Variants in SLC25A25 observed in about 807,000 individuals in gnomAD.
SLC25A25 encodes the protein solute carrier family 25 member 25, also known as mitochondrial adenyl nucleotide antiporter SLC25A25.
A neutral mutation model predicts 57.7 loss-of-function variants in SLC25A25; 32 were observed. The ratio of observed to expected loss-of-function variants is 0.55; its 90% confidence interval spans 0.42 to 0.74. SLC25A25 has a LOEUF of 0.74. SLC25A25 is among the 30% of genes least tolerant of loss of function. The pLI, the probability that SLC25A25 is intolerant of heterozygous loss-of-function variation, is 0.00. For synonymous variants in SLC25A25, 306 were observed against 291.2 expected, an observed-to-expected ratio of 1.05 and a Z score of -0.52; for missense variants, 556 against 701.3, an observed-to-expected ratio of 0.79 and a Z score of 2.34.
At chr9:128,098,294 A>C in intron 1 of SLC25A25, 1 of 344,590 alleles carries the variant, frequency 2.9e-6, no homozygotes, top group Non-Finnish European at 5.1e-6. Context: ...AGTTAACTGC[A>C]GGGAGGGAGC....
Position 128,107,762 on chromosome 9 carries a change from G to A in SLC25A25, c.*318G>A. On this transcript the variant is annotated 3_prime_UTR_variant, in exon 11 of 11. Coordinates refer to ENST00000373069, the MANE Select transcript of SLC25A25 (RefSeq NM_001330988.2). ...CCAATAGCGAGCTTGGAGCCTGGAG[G>A]CCGGCTTAGTTCTTCCATTTCACCC... 2.5e-6 allele frequency: 1 copy of A among 406,358 alleles called. No homozygotes were observed. Among genetic ancestry groups the A allele is most frequent in the Non-Finnish European group, 4.3e-6 (1 of 230,436 alleles). The allele number at this position is 406,358 out of a possible 1,614,324, so 25.2% of individuals were successfully genotyped here. A position where few individuals can be genotyped will look rare whatever the true frequency, so the allele number is the denominator to read the frequency against.
chr9:128,072,751 A>G (rs1832934700), intron 1 of SLC25A25, among the ~76,000 whole-genome samples: 1 of 152,248 alleles, frequency 6.6e-6, no homozygotes, highest in Non-Finnish European at 1.5e-5. Context: ...CGACAACAGT[A>G]GTGACTTTGG....
intron 1 of SLC25A25, among the ~76,000 whole-genome samples, chr9:128,087,445 T>C (rs1833303692): frequency 6.6e-6 from 1 of 152,146 alleles, no homozygotes; most frequent in Non-Finnish European, 1.5e-5. Context: ...GTCATTCTTA[T>C]CTGTATGTAA....
rs1471457592 is a variant in SLC25A25 at position 128,099,239 on chromosome 9, G to A, written c.262-1857G>A. 11 of 1,288,822 alleles carry A rather than the reference G, an allele frequency of 8.5e-6. No homozygotes were observed. The highest frequency in any genetic ancestry group is 1.5e-5 in the African/African-American group (1 of 65,752). The allele number at this position is 1,288,822 out of a possible 1,614,324, so 79.8% of individuals were successfully genotyped here. ...GAGTCCGGAGGCCCCTTGCCACCTC[G>A]GCTTCTCGGTTAATCAGTTTCCCTG... is the stretch of plus-strand genomic sequence containing the variant. On this transcript the variant is annotated intron_variant, in intron 1 of 10. Coordinates refer to ENST00000373069, the MANE Select transcript of SLC25A25 (RefSeq NM_001330988.2). The surrounding 1 kb of genome is among the most constrained non-coding windows in gnomAD (Gnocchi z 6.8).
At chr9:128,105,939 T>A in intron 7 of SLC25A25, 58 bp downstream of exon 7, 2 of 1,589,550 alleles carry the variant, frequency 1.3e-6, no homozygotes, top group East Asian at 4.5e-5. Context: ...TGCCTGGACT[T>A]GCTGGCTTTC....
intron 1 of SLC25A25, among the ~76,000 whole-genome samples, chr9:128,077,197 G>C (rs896128956): frequency 1.3e-5 from 2 of 152,206 alleles, no homozygotes; most frequent in African/African-American, 4.8e-5. Context: ...GGGGTTTATA[G>C]TACAGACTTT....
At position 128,103,504 on chromosome 9, in the gene SLC25A25, C is replaced by T. The variant is rs1195114294; in HGVS notation, c.625-177C>T. Among the ~76,000 whole-genome samples, 2 of 152,230 alleles carry T rather than the reference C, an allele frequency of 1.3e-5. No individual in the cohort carries two copies. The highest frequency in any genetic ancestry group is 2.9e-5 in the Non-Finnish European group (2 of 68,042). On this transcript the variant is annotated intron_variant, in intron 5 of 10. Coordinates refer to ENST00000373069, the MANE Select transcript of SLC25A25 (RefSeq NM_001330988.2). This position sits in a 1 kb window ranked among gnomAD's most constrained non-coding sequence, Gnocchi z 6.7. Reference sequence around the variant, plus strand: ...TCCAGGACCCCAGCAGGGGTGAGAGCTCTGCTACCTTCAGAGTGAAGGGAA... The same window carrying T: ...TCCAGGACCCCAGCAGGGGTGAGAGTTCTGCTACCTTCAGAGTGAAGGGAA...
At position 128,068,499 on chromosome 9, in the gene SLC25A25, C is replaced by T; in HGVS notation, c.180C>T (p.Asn60=). Residue 60 remains asparagine, a synonymous_variant, in exon 1 of 11, where the codon AAC becomes AAT. Coordinates refer to ENST00000373069, the MANE Select transcript of SLC25A25 (RefSeq NM_001330988.2). ...LWRLFQTLDV[N]RDGGLCVNDL... ...GACTCTTTCAGACGCTCGACGTCAA[C>T]CGGGACGGCGGCCTGTGTGTCAACG... is the stretch of plus-strand genomic sequence containing the variant. The T allele has an allele frequency of 6.6e-7, 1 of 1,511,676 alleles. No individual in the cohort carries two copies. The allele number at this position is 1,511,676 out of a possible 1,614,324, so 93.6% of individuals were successfully genotyped here.
In SLC25A25 at chr9:128,068,576, TC is replaced by T; in HGVS notation, c.259del (p.Gln87ArgfsTer15). 1 of 1,412,716 alleles carries T rather than the reference TC, an allele frequency of 7.1e-7. No homozygotes were observed. Among genetic ancestry groups the T allele is most frequent in the Non-Finnish European group, 9.2e-7 (1 of 1,085,712 alleles). 87.5% of individuals were successfully genotyped at this position (1,412,716 alleles called of 1,614,324 possible). ...RLGLHRTEGELQKIVQAGDKD... is the reference protein window; with the variant it reads ...RLGLHRTEGEXQKIVQAGDKD... Reference sequence around the variant, plus strand: ...GGACTGCACCGCACCGAGGGCGAGCTCCAGGTAGGCTGCGCGCGTCCTCAGC... The same window carrying T: ...GGACTGCACCGCACCGAGGGCGAGCTCAGGTAGGCTGCGCGCGTCCTCAGC... On this transcript the variant is annotated frameshift_variant, in exon 1 of 11. Coordinates refer to ENST00000373069, the MANE Select transcript of SLC25A25 (RefSeq NM_001330988.2). LOFTEE classifies it high-confidence loss of function.
intron 1 of SLC25A25, among the ~76,000 whole-genome samples, chr9:128,072,258 C>A (rs537405370): frequency 2.6e-5 from 4 of 152,284 alleles, no homozygotes; most frequent in Non-Finnish European, 4.4e-5. Context: ...TAACTGCCTA[C>A]AGAAAAAGCA....
rs532547343 is a variant in SLC25A25 at position 128,102,260 on chromosome 9, G to A, written c.513-110G>A. ...TTTCTCCTGGGGGCAGAGGCACCTCGTGTGGTTTCTGGGCATCCGAATGCC... is the reference window on the plus strand; with the variant it reads ...TTTCTCCTGGGGGCAGAGGCACCTCATGTGGTTTCTGGGCATCCGAATGCC... On this transcript the variant is annotated intron_variant, in intron 4 of 10. Coordinates refer to ENST00000373069, the MANE Select transcript of SLC25A25 (RefSeq NM_001330988.2). This position sits in a 1 kb window ranked among gnomAD's most constrained non-coding sequence, Gnocchi z 4.1. 2.2e-5 allele frequency: 31 copies of A among 1,406,584 alleles called. No homozygotes were observed. Among genetic ancestry groups the A allele is most frequent in the Middle Eastern group, 1.8e-4 (1 of 5,692 alleles). 87.1% of individuals were successfully genotyped at this position (1,406,584 alleles called of 1,614,324 possible).
chr9:128,084,385 C>T (rs1407405200), intron 1 of SLC25A25, among the ~76,000 whole-genome samples: 2 of 152,000 alleles, frequency 1.3e-5, no homozygotes, highest in East Asian at 1.9e-4. Context: ...TTCAGCCTCC[C>T]GAGTAGCTGG....
intron 1 of SLC25A25, among the ~76,000 whole-genome samples, chr9:128,096,047 C>G (rs1296930517): frequency 6.6e-6 from 1 of 152,062 alleles, no homozygotes; most frequent in Non-Finnish European, 1.5e-5. Flanking sequence ...ATGAGATATT[C>G]AACAGATCTG....
At position 128,105,820 on chromosome 9, in the gene SLC25A25, A is replaced by G. The variant is rs767446116; in HGVS notation, c.875A>G (p.Asn292Ser). The change falls in exon 7 of 11, where the codon AAT becomes AGT. Residue 292 changes from asparagine (N) to serine (S), a missense_variant. Physicochemically the swap from Asn to Ser is conservative, Grantham distance 46. Transcript: ENST00000373069. Reference sequence around the variant, plus strand: ...GGGGCCAGGTCACTCTGGCGGGGCAATGGCATCAACGTCCTCAAAATTGCC... The same window carrying G: ...GGGGCCAGGTCACTCTGGCGGGGCAGTGGCATCAACGTCCTCAAAATTGCC... The part of the protein sequence containing the change: ...EGGARSLWRG[N>S]GINVLKIAPE... 1.9e-6 allele frequency: 3 copies of G among 1,614,152 alleles called. No homozygotes were observed. Among genetic ancestry groups the G allele is most frequent in the Non-Finnish European group, 2.5e-6 (3 of 1,180,030 alleles).
intron 1 of SLC25A25, among the ~76,000 whole-genome samples, chr9:128,088,301 A>G (rs780504724): frequency 2.6e-5 from 4 of 152,142 alleles, no homozygotes; most frequent in Admixed American, 6.5e-5. Flanking sequence ...CAGGAACGGG[A>G]ACTATTCCTA....
intron 1 of SLC25A25, chr9:128,100,755 C>A (rs556559768): frequency 1.1e-5 from 3 of 275,522 alleles, no homozygotes; most frequent in East Asian, 1.8e-4. Context: ...CTCACCCTGG[C>A]TGTACGGCAC....
At chr9:128,080,348 C>A (rs1367114589) in intron 1 of SLC25A25, among the ~76,000 whole-genome samples, 1 of 136,058 alleles carries the variant, frequency 7.3e-6, no homozygotes, top group East Asian at 2.0e-4. Context: ...AGACTCCATC[C>A]CAAAAAAAAA....
intron 1 of SLC25A25, among the ~76,000 whole-genome samples, chr9:128,087,419 G>A (rs1254756248): frequency 4.6e-5 from 7 of 152,112 alleles, no homozygotes; most frequent in African/African-American, 1.7e-4. Context: ...GAGCCACCAT[G>A]CCTGGCCAGA....
At chr9:128,097,380 T>G (rs1487611100) in intron 1 of SLC25A25, among the ~76,000 whole-genome samples, 1 of 152,260 alleles carries the variant, frequency 6.6e-6, no homozygotes, top group Admixed American at 6.5e-5. Context: ...CCAGTGACTA[T>G]GCGTGGCTAT....
Sources: gnomAD v4.1 joint callset for allele counts (sites outside exome capture counted in the v4.1 genomes callset) on GRCh38, gnomAD v4.1.1 for gene constraint, Gnocchi (gnomAD v3.1) non-coding constraint, MANE v1.5 for transcripts, NCBI Gene and HGNC (gene_info 2026-07-23, HGNC 2026-07-21) for gene names.